RASAL3: variants seen among roughly 807,000 people sequenced by gnomAD.
RASAL3 encodes RAS protein activator like 3.
A neutral mutation model predicts 105.5 loss-of-function variants in RASAL3; 74 were observed. That is an observed-to-expected ratio of 0.70 (90% CI 0.58 to 0.85). The LOEUF (loss-of-function observed/expected upper bound fraction) is 0.85. Among genes scored for constraint, RASAL3 ranks in the 40% least tolerant of loss-of-function variants. RASAL3 has a pLI of 0.00. For synonymous variants in RASAL3, 579 were observed against 591.6 expected, an observed-to-expected ratio of 0.98 and a Z score of 0.31; for missense variants, 1,352 against 1,392.0, an observed-to-expected ratio of 0.97 and a Z score of 0.46.
rs1970249149 is a variant in RASAL3, at chr19:15,454,286, C to T, written c.2161-19G>A. On this transcript the variant is annotated intron_variant, in intron 13 of 17. Coordinates refer to ENST00000343625, the MANE Select transcript of RASAL3 (RefSeq NM_022904.3). Reference sequence around the variant, plus strand: ...GGGTTGTCTGGTGAGGCATGCAGGACAGAGACTGAGCAAAGTCTCCAGGGT... The same window carrying T: ...GGGTTGTCTGGTGAGGCATGCAGGATAGAGACTGAGCAAAGTCTCCAGGGT... The T allele has an allele frequency of 2.6e-6, 4 of 1,564,056 alleles. No individual in the cohort carries two copies. The highest frequency in any genetic ancestry group is 3.8e-5 in the Admixed American group (2 of 52,050).
Position 15,454,582 on chromosome 19 carries a change from G to C in RASAL3, c.1959-20C>G. ...CCGAACCTGGATCAGGGCCAGGCTG[G>C]GTGGGTCAGGTCAGGCACCTGCCAC... On this transcript the variant is annotated intron_variant, in intron 12 of 17. Transcript: ENST00000343625. The C allele has an allele frequency of 2.5e-6, 4 of 1,613,378 alleles. No individual in the cohort carries two copies. The highest frequency in any genetic ancestry group is 3.4e-6 in the Non-Finnish European group (4 of 1,179,594).
At chr19:15,452,182 G>A (rs1970171730) in intron 16 of RASAL3, 74 bp from the exon 17 acceptor site, 1 of 1,474,734 alleles carries the variant, frequency 6.8e-7, no homozygotes. Flanking sequence ...GGGAGTGCCA[G>A]GGACTCCGGG....
chr19:15,454,090 T>C (rs1970241221), intron 14 of RASAL3, 59 bp downstream of exon 14: 6 of 1,274,346 alleles, frequency 4.7e-6, no homozygotes, highest in Non-Finnish European at 6.6e-6. Flanking sequence ...CTGACCCCTG[T>C]CTGAGCCCTG....
In RASAL3 at chr19:15,456,932, G is replaced by T; in HGVS notation, c.1432-286C>A. The T allele has an allele frequency of 7.6e-6, 4 of 526,732 alleles. No individual in the cohort carries two copies. Among genetic ancestry groups the T allele is most frequent in the Non-Finnish European group, 6.8e-6 (2 of 292,734 alleles). 32.6% of individuals were successfully genotyped at this position (526,732 alleles called of 1,614,324 possible). A position where few individuals can be genotyped will look rare whatever the true frequency, so the allele number is the denominator to read the frequency against. ...TAGGCTCCGCTCTTCAAGGTGTCCC[G>T]CCCCTTATGGGTGATAATTAGGCCC... On this transcript the variant is annotated intron_variant, in intron 9 of 17. Coordinates refer to ENST00000343625, the MANE Select transcript of RASAL3 (RefSeq NM_022904.3). This position sits in a 1 kb window ranked among gnomAD's most constrained non-coding sequence, Gnocchi z 4.4.
chr19:15,452,009 C>G (rs1229061367), intron 17 of RASAL3, 36 bp downstream of exon 17: 1 of 1,613,856 alleles, frequency 6.2e-7, no homozygotes, highest in Admixed American at 1.7e-5. Context: ...TCCTCCACCG[C>G]CCAGACCTGC....
At position 15,457,321 on chromosome 19, in the gene RASAL3, G is replaced by T; in HGVS notation, c.1402C>A (p.Arg468Ser). The T allele has an allele frequency of 3.0e-6, 4 of 1,345,256 alleles. No homozygotes were observed. In the South Asian group the frequency reaches 5.1e-5, roughly 17 times the overall value. 83.3% of individuals were successfully genotyped at this position (1,345,256 alleles called of 1,614,324 possible). Residue 468 changes from arginine to serine, a missense_variant, in exon 9 of 18, where the codon CGC becomes AGC. Physicochemically the swap from Arg to Ser is moderately radical, Grantham distance 110 (BLOSUM62 -1). This residue lies in a region of RASAL3 where 920 missense variants were observed against 919.6 expected (regional missense o/e 1.00). Coordinates refer to ENST00000343625, the MANE Select transcript of RASAL3 (RefSeq NM_022904.3). The surrounding 1 kb of genome is among the most constrained non-coding windows in gnomAD (Gnocchi z 8.6). The part of the protein sequence containing the change: ...AKEELAAAMV[R>S]VLRATGRAQA... ...GCCCGGCCGGTGGCCCGCAGCACGC[G>T]CACCATGGCTGCCGCCAGCTCCTCC...
chr19:15,455,214 G>A (rs769917625), intron 11 of RASAL3, among the ~76,000 whole-genome samples: 3 of 152,200 alleles, frequency 2.0e-5, no homozygotes, highest in East Asian at 3.8e-4. Context: ...GAGCTTGGAT[G>A]TACTTATAAT....
In RASAL3 at chr19:15,457,618, G is replaced by C. The variant is rs760787761; in HGVS notation, c.1105C>G (p.Arg369Gly). Residue 369 changes from arginine to glycine, a missense_variant, in exon 9 of 18, where the codon CGG becomes GGG. Arg to Gly is a moderately radical substitution (Grantham distance 125, BLOSUM62 -2). Around this residue, in one of 3 missense-constraint regions of RASAL3, gnomAD observed 920 missense variants for 919.6 expected, o/e 1.00. Transcript: ENST00000343625. This position sits in a 1 kb window ranked among gnomAD's most constrained non-coding sequence, Gnocchi z 8.6. Reference sequence around the variant, plus strand: ...CTTCCCGGGCCCAAGCCGCGCAGCCGCAGCGACAGGCGACGTGCCGGTGGC... The same window carrying C: ...CTTCCCGGGCCCAAGCCGCGCAGCCCCAGCGACAGGCGACGTGCCGGTGGC... The part of the protein sequence containing the change: ...ALPPARRLSL[R>G]LRGLGPGSAV... 5.8e-6 allele frequency: 8 copies of C among 1,382,932 alleles called. No individual in the cohort carries two copies. The South Asian group carries it at 1.1e-4, about 19-fold the overall frequency. 85.7% of individuals were successfully genotyped at this position (1,382,932 alleles called of 1,614,324 possible). A position where few individuals can be genotyped will look rare whatever the true frequency, so the allele number is the denominator to read the frequency against.
chr19:15,453,352 G>A lies in RASAL3; in HGVS notation c.2425C>T (p.Arg809Trp). Reference protein sequence around the residue: ...RPRPDEERPLRRPRPVQRTQS... With the variant: ...RPRPDEERPLWRPRPVQRTQS... Reference sequence around the variant, plus strand: ...GTGCGCTGCACCGGCCGGGGCCGCCGCAGGGGCCGCTCTTCGTCCGGCCGT... The same window carrying A: ...GTGCGCTGCACCGGCCGGGGCCGCCACAGGGGCCGCTCTTCGTCCGGCCGT... The change falls in exon 15 of 18, where the codon CGG becomes TGG. Residue 809 changes from arginine (R) to tryptophan (W), a missense_variant. Physicochemically the swap from Arg to Trp is moderately radical, Grantham distance 101. This residue lies in a region of RASAL3 where 920 missense variants were observed against 919.6 expected (regional missense o/e 1.00). Coordinates refer to ENST00000343625, the MANE Select transcript of RASAL3 (RefSeq NM_022904.3). The surrounding 1 kb of genome is among the most constrained non-coding windows in gnomAD (Gnocchi z 4.2). 1 of 1,429,738 alleles carries A rather than the reference G, an allele frequency of 7.0e-7. No individual in the cohort carries two copies. 88.6% of individuals were successfully genotyped at this position (1,429,738 alleles called of 1,614,324 possible). A position where few individuals can be genotyped will look rare whatever the true frequency, so the allele number is the denominator to read the frequency against.
In RASAL3 at chr19:15,453,466, C is replaced by T. The variant is rs1599733154; in HGVS notation, c.2311G>A (p.Ala771Thr). 1.3e-6 allele frequency: 2 copies of T among 1,541,170 alleles called. No individual in the cohort carries two copies. The highest frequency in any genetic ancestry group is 2.2e-4 in the Middle Eastern group (1 of 4,560). The change falls in exon 15 of 18, where the codon GCC (alanine) becomes ACC (threonine). Residue 771 changes from alanine (A) to threonine (T), a missense_variant. Around this residue, in one of 3 missense-constraint regions of RASAL3, gnomAD observed 920 missense variants for 919.6 expected, o/e 1.00. Coordinates refer to ENST00000343625, the MANE Select transcript of RASAL3 (RefSeq NM_022904.3). This position sits in a 1 kb window ranked among gnomAD's most constrained non-coding sequence, Gnocchi z 4.2. ...GTGTGCTTGGGGAGGTCCCGGGGGG[C>T]CAGGAAGCCGGGCTTCTCCCCTGCG... Reference protein sequence around the residue: ...LSAGEKPGFLAPRDLPKHTPL... With the variant: ...LSAGEKPGFLTPRDLPKHTPL...
At chr19:15,461,026 C>G (rs1380245146) in intron 5 of RASAL3, 34 bp downstream of exon 5, 2 of 1,605,722 alleles carry the variant, frequency 1.2e-6, no homozygotes, top group Admixed American at 3.3e-5. Context: ...TCTTGGCTCT[C>G]CCCTCTACCT....
At position 15,453,579 on chromosome 19, in the gene RASAL3, C is replaced by A; in HGVS notation, c.2280-82G>T. ...CCGACCTGACCAGAAGTGACCTCAC[C>A]CCCCACGTGAACTTGTCCTTTCTTT... On this transcript the variant is annotated intron_variant, in intron 14 of 17. Transcript: ENST00000343625. This position sits in a 1 kb window ranked among gnomAD's most constrained non-coding sequence, Gnocchi z 4.2. The A allele has an allele frequency of 7.4e-7, 1 of 1,344,170 alleles. No homozygotes were observed. The highest frequency in any genetic ancestry group is 9.7e-7 in the Non-Finnish European group (1 of 1,028,910). The allele number at this position is 1,344,170 out of a possible 1,614,324, so 83.3% of individuals were successfully genotyped here.
chr19:15,452,010 C>G (rs1270004909), intron 17 of RASAL3, 35 bp downstream of exon 17: 1 of 1,613,878 alleles, frequency 6.2e-7, no homozygotes, highest in Non-Finnish European at 8.5e-7. Flanking sequence ...CCTCCACCGC[C>G]CAGACCTGCC....
Position 15,457,530 on chromosome 19 carries a change from G to C in RASAL3, c.1193C>G (p.Ala398Gly). 1 of 1,129,402 alleles carries C rather than the reference G, an allele frequency of 8.9e-7. No individual in the cohort carries two copies. The allele number at this position is 1,129,402 out of a possible 1,614,324, so 70.0% of individuals were successfully genotyped here. The stretch of plus-strand genomic sequence containing the variant: ...CAGCGGGAACCAGCGCTCCAGACCG[G>C]CGGCAGGCGCGCGTGGGGCGTCCAG... Reference protein sequence around the residue: ...EELDAPRAPAAGLERWFPLLG... With the variant: ...EELDAPRAPAGGLERWFPLLG... Residue 398 changes from alanine to glycine, a missense_variant, in exon 9 of 18, where the codon GCC becomes GGC. By Grantham distance (60) the Ala-to-Gly change is moderately conservative (BLOSUM62 0). Transcript: ENST00000343625. The surrounding 1 kb of genome is among the most constrained non-coding windows in gnomAD (Gnocchi z 8.6).
At chr19:15,462,712 G>A (rs1196539986) in intron 2 of RASAL3, among the ~76,000 whole-genome samples, 1 of 152,178 alleles carries the variant, frequency 6.6e-6, no homozygotes, top group Non-Finnish European at 1.5e-5. Context: ...CAGCACTTTG[G>A]GAGGCTGAGG....
In RASAL3 at chr19:15,453,360, C is replaced by T; in HGVS notation, c.2417G>A (p.Arg806Gln). The T allele has an allele frequency of 2.8e-6, 4 of 1,437,442 alleles. No individual in the cohort carries two copies. Among genetic ancestry groups the T allele is most frequent in the Non-Finnish European group, 3.6e-6 (4 of 1,101,764 alleles). The allele number at this position is 1,437,442 out of a possible 1,614,324, so 89.0% of individuals were successfully genotyped here. A position where few individuals can be genotyped will look rare whatever the true frequency, so the allele number is the denominator to read the frequency against. ...SWARPRPDEE[R>Q]PLRRPRPVQR... ...CACCGGCCGGGGCCGCCGCAGGGGCCGCTCTTCGTCCGGCCGTGGCCGGGC... is the reference window on the plus strand; with the variant it reads ...CACCGGCCGGGGCCGCCGCAGGGGCTGCTCTTCGTCCGGCCGTGGCCGGGC... Residue 806 changes from arginine to glutamine, a missense_variant, in exon 15 of 18, where the codon CGG becomes CAG. This residue lies in a region of RASAL3 where 920 missense variants were observed against 919.6 expected (regional missense o/e 1.00). Coordinates refer to ENST00000343625, the MANE Select transcript of RASAL3 (RefSeq NM_022904.3). This position sits in a 1 kb window ranked among gnomAD's most constrained non-coding sequence, Gnocchi z 4.2.
chr19:15,457,369 G>A lies in RASAL3; in HGVS notation c.1354C>T (p.Pro452Ser). 7.0e-7 allele frequency: 1 copy of A among 1,428,364 alleles called. No individual in the cohort carries two copies. Among genetic ancestry groups the A allele is most frequent in the Non-Finnish European group, 9.1e-7 (1 of 1,098,104 alleles). 88.5% of individuals were successfully genotyped at this position (1,428,364 alleles called of 1,614,324 possible). Residue 452 changes from proline to serine, a missense_variant, in exon 9 of 18, where the codon CCC becomes TCC. By Grantham distance (74) the Pro-to-Ser change is moderately conservative. Coordinates refer to ENST00000343625, the MANE Select transcript of RASAL3 (RefSeq NM_022904.3). This position sits in a 1 kb window ranked among gnomAD's most constrained non-coding sequence, Gnocchi z 8.6. ...TCCTTGGCCTGCGCAGGCAGCGCGG[G>A]CTCCAGGGCCCCGCAGAGGCGCGCA... is the stretch of plus-strand genomic sequence containing the variant. ...HYARLCGALE[P>S]ALPAQAKEEL... is the part of the protein sequence containing the mutation.
In RASAL3 at chr19:15,453,477, G is replaced by C. The variant is rs757733502; in HGVS notation, c.2300C>G (p.Pro767Arg). 7.8e-6 allele frequency: 12 copies of C among 1,536,962 alleles called. No homozygotes were observed. In the East Asian group the frequency reaches 2.8e-4, roughly 37 times the overall value. ...VHSSLSAGEK[P>R]GFLAPRDLPK... Reference sequence around the variant, plus strand: ...GAGGTCCCGGGGGGCCAGGAAGCCGGGCTTCTCCCCTGCGGAGAGGCTAGG... The same window carrying C: ...GAGGTCCCGGGGGGCCAGGAAGCCGCGCTTCTCCCCTGCGGAGAGGCTAGG... Residue 767 changes from proline (P) to arginine (R), a missense_variant, in exon 15 of 18, where the codon CCC (proline) becomes CGC (arginine). Coordinates refer to ENST00000343625, the MANE Select transcript of RASAL3 (RefSeq NM_022904.3). This position sits in a 1 kb window ranked among gnomAD's most constrained non-coding sequence, Gnocchi z 4.2.
chr19:15,452,168 T>C (rs1172284882), intron 16 of RASAL3, 60 bp from the exon 17 acceptor site: 1 of 1,568,690 alleles, frequency 6.4e-7, no homozygotes, highest in Non-Finnish European at 8.8e-7. Context: ...TTCCAGCTCC[T>C]GGTGGGAGTG....
Sources: gnomAD v4.1 joint callset for allele counts (sites outside exome capture counted in the v4.1 genomes callset) on GRCh38, gnomAD v4.1.1 for gene constraint, gnomAD v4.1.1 regional missense constraint, Gnocchi (gnomAD v3.1) non-coding constraint, MANE v1.5 for transcripts, NCBI Gene and HGNC (gene_info 2026-07-23, HGNC 2026-07-21) for gene names.